ACOT1: variants seen among roughly 807,000 people sequenced by gnomAD.
ACOT1 encodes the protein acyl-coenzyme A thioesterase 1.
A neutral mutation model predicts 15.7 loss-of-function variants in ACOT1; 8 were observed. The ratio of observed to expected loss-of-function variants is 0.51; its 90% CI spans 0.30 to 0.92. The LOEUF is 0.92. ACOT1 is among the 40% of genes least tolerant of loss of function. The pLI, the probability that ACOT1 is intolerant of heterozygous loss-of-function variation, is 0.06. For missense variants in ACOT1, 151 were observed against 539.4 expected (o/e 0.28, Z 7.13); for synonymous variants, 67 against 241.2 (o/e 0.28, Z 6.69).
chr14:73,491,623 G>A, the ACOT1 span: 2 of 1,547,788 alleles, frequency 1.3e-6, no homozygotes, highest in East Asian at 2.4e-5. Flanking sequence ...GGCGGCGAGC[G>A]GCCCGCCTCT....
chr14:73,536,233 C>T (rs556486157), upstream of ACOT1, among the ~76,000 whole-genome samples: 14 of 112,480 alleles, frequency 1.2e-4, 4 homozygotes, highest in South Asian at 4.0e-3. Flanking sequence ...ATAGGTTTCT[C>T]TAATTACCAA....
upstream of ACOT1, chr14:73,537,079 G>A (rs1361515799): frequency 1.5e-5 from 3 of 205,150 alleles, 1 homozygote; most frequent in African/African-American, 5.3e-5. Context: ...CACCCCCCGG[G>A]ATCACGCCAT....
At chr14:73,518,937 C>T in the ACOT1 span, 7 of 1,369,000 alleles carry the variant, frequency 5.1e-6, no homozygotes, top group Non-Finnish European at 7.0e-6. Flanking sequence ...GAACTGGGAG[C>T]TCTAGCACAT....
chr14:73,492,029 GC>G, the ACOT1 span: 1 of 1,613,944 alleles, frequency 6.2e-7, no homozygotes, highest in Admixed American at 1.7e-5. The surrounding 1 kb of genome is among the most constrained non-coding windows in gnomAD (Gnocchi z 4.9). Flanking sequence ...GCAGGGCTTT[GC>G]CCCCCACTAC....
chr14:73,536,499 G>A (rs1595152254), upstream of ACOT1, among the ~76,000 whole-genome samples: 3 of 83,174 alleles, frequency 3.6e-5, no homozygotes, highest in Admixed American at 4.6e-4. Flanking sequence ...TGGCAACGTA[G>A]TGAGACCCTG....
chr14:73,509,728 G>A, the ACOT1 span, among the ~76,000 whole-genome samples: 10 of 146,410 alleles, frequency 6.8e-5, no homozygotes, highest in East Asian at 2.0e-4. Flanking sequence ...TATTTAAGCC[G>A]AAGAAGAATG....
At chr14:73,517,232 G>C in the ACOT1 span, 1 of 152,240 alleles carries the variant, frequency 6.6e-6, no homozygotes, top group African/African-American at 2.4e-5. Context: ...ACTAAGTTTT[G>C]TATTTTTTTG....
the ACOT1 span, among the ~76,000 whole-genome samples, chr14:73,507,081 G>C: frequency 8.5e-5 from 13 of 152,204 alleles, no homozygotes; most frequent in South Asian, 2.7e-3. Flanking sequence ...GGGATTACAG[G>C]CGTGAGCCAC....
At chr14:73,510,630 T>G in the ACOT1 span, among the ~76,000 whole-genome samples, 1 of 152,090 alleles carries the variant, frequency 6.6e-6, no homozygotes, top group African/African-American at 2.4e-5. Context: ...GAGATGAGGT[T>G]TCACCATGTT....
At chr14:73,525,012 T>C in the ACOT1 span, among the ~76,000 whole-genome samples, 1 of 152,122 alleles carries the variant, frequency 6.6e-6, no homozygotes, top group African/African-American at 2.4e-5. Context: ...AAGTTCTTTT[T>C]TGTGTGTTTT....
At chr14:73,503,985 G>A in the ACOT1 span, among the ~76,000 whole-genome samples, 1 of 152,112 alleles carries the variant, frequency 6.6e-6, no homozygotes, top group Non-Finnish European at 1.5e-5. Context: ...TGCCAAGGAG[G>A]TGAAGGTACA....
At chr14:73,535,507 T>C (rs1320025547), upstream of ACOT1, among the ~76,000 whole-genome samples, 1 of 69,436 alleles carries the variant, frequency 1.4e-5, no homozygotes, top group African/African-American at 5.7e-5. Context: ...TTTTTTTTTT[T>C]GCCCAGGCTG....
At chr14:73,523,350 TAGA>T in the ACOT1 span, 2 of 560,658 alleles carry the variant, frequency 3.6e-6, no homozygotes, top group South Asian at 2.7e-5. Context: ...CCATGTGAGT[TAGA>T]AGAACAAAAG....
the ACOT1 span, chr14:73,522,152 T>C: frequency 6.8e-6 from 7 of 1,022,164 alleles, no homozygotes; most frequent in Non-Finnish European, 8.8e-6. Flanking sequence ...AGGCCGGTGG[T>C]GGAGAACATG....
the ACOT1 span, among the ~76,000 whole-genome samples, chr14:73,526,348 A>T: frequency 6.6e-6 from 1 of 152,192 alleles, no homozygotes; most frequent in Admixed American, 6.5e-5. Flanking sequence ...CTGAATACAT[A>T]TGAGTGACAG....
the ACOT1 span, chr14:73,500,450 T>C: frequency 1.6e-6 from 2 of 1,280,862 alleles, no homozygotes; most frequent in African/African-American, 2.9e-5. Context: ...TCTCTCATTC[T>C]GTGTCCCCAC....
chr14:73,526,675 A>G, the ACOT1 span, among the ~76,000 whole-genome samples: 15 of 152,226 alleles, frequency 9.9e-5, no homozygotes, highest in Non-Finnish European at 2.2e-4. Context: ...CTACATTTCC[A>G]GACCTACCCT....
chr14:73,522,742 C>T, the ACOT1 span: 2 of 1,614,190 alleles, frequency 1.2e-6, no homozygotes, highest in Non-Finnish European at 1.7e-6. Flanking sequence ...AGCTTTCTGT[C>T]TTCACAGCCA....
At chr14:73,494,704 C>T in the ACOT1 span, among the ~76,000 whole-genome samples, 13 of 152,068 alleles carry the variant, frequency 8.5e-5, no homozygotes, top group Admixed American at 2.6e-4. Context: ...GTGTGTGCCA[C>T]CACACCCAGA....
Sources: allele counts gnomAD v4.1 joint callset (sites outside exome capture counted in the v4.1 genomes callset), GRCh38; gene constraint gnomAD v4.1.1; non-coding constraint Gnocchi (gnomAD v3.1); transcripts MANE v1.5; gene names NCBI Gene and HGNC (gene_info 2026-07-23, HGNC 2026-07-21).